ERBB4: variants seen among roughly 807,000 people sequenced by gnomAD.
ERBB4 encodes the protein receptor tyrosine-protein kinase erbB-4.
Under a neutral mutation model 158.0 loss-of-function variants are expected in ERBB4, and 42 were observed. The observed-to-expected ratio is 0.27, with a 90% CI of 0.21 to 0.34. The LOEUF is 0.34. Among genes scored for constraint, ERBB4 ranks in the 10% least tolerant of loss-of-function variants. The pLI, the probability that ERBB4 is intolerant of heterozygous loss-of-function variation, is 1.00. For missense variants in ERBB4, 1,333 were observed against 1,624.1 expected (o/e 0.82, Z 3.08); for synonymous variants, 583 against 558.7 (o/e 1.04, Z -0.61).
intron 1 of ERBB4, among the ~76,000 whole-genome samples, chr2:212,339,920 T>C (rs948308706): frequency 6.6e-5 from 10 of 152,170 alleles, no homozygotes; most frequent in African/African-American, 1.9e-4. Context: ...AGTTACGATA[T>C]ACATTTTTAA....
In ERBB4 at chr2:211,587,193, C is replaced by CAA. The variant is rs397806638; in HGVS notation, c.2302-25107_2302-25106dup. ...ATGGGTGAAACCCAATCTCTACTTA[C>CAA]AAAAAAAAAAAAAATAGCCAGGCGT... On this transcript the variant is annotated intron_variant, in intron 19 of 27. Transcript: ENST00000342788. Among the ~76,000 whole-genome samples the CAA allele has an allele frequency of 2.1e-3, 271 of 132,042 alleles. 1 individual carries two copies. Among genetic ancestry groups the CAA allele is most frequent in the African/African-American group, 7.0e-3 (259 of 36,894 alleles). The allele number at this position is 132,042 out of a possible 152,430, so 86.6% of individuals were successfully genotyped here. A position where few individuals can be genotyped will look rare whatever the true frequency, so the allele number is the denominator to read the frequency against.
chr2:212,048,447 T>C (rs1055546952), intron 2 of ERBB4, among the ~76,000 whole-genome samples: 2 of 152,140 alleles, frequency 1.3e-5, no homozygotes, highest in African/African-American at 4.8e-5. Context: ...CAAGTAAATA[T>C]ATTTGGGTTA....
chr2:211,396,835 G>T (rs2062929602), intron 25 of ERBB4, among the ~76,000 whole-genome samples: 1 of 152,096 alleles, frequency 6.6e-6, no homozygotes, highest in African/African-American at 2.4e-5. Context: ...GATAAAAAGT[G>T]AATTTGTAAC....
chr2:211,832,923 T>C (rs1370478935), intron 3 of ERBB4, among the ~76,000 whole-genome samples: 1 of 151,126 alleles, frequency 6.6e-6, no homozygotes, highest in Non-Finnish European at 1.5e-5. Flanking sequence ...TGTTGACATA[T>C]AAATTAGAAT....
intron 1 of ERBB4, among the ~76,000 whole-genome samples, chr2:212,158,686 T>C (rs2081114901): frequency 1.3e-5 from 2 of 151,992 alleles, no homozygotes; most frequent in Non-Finnish European, 2.9e-5. Flanking sequence ...AAAGAGACAA[T>C]GTGCAATTCA....
At chr2:211,778,388 G>C (rs546864500) in intron 4 of ERBB4, 2 of 152,218 alleles carry the variant, frequency 1.3e-5, no homozygotes, top group Admixed American at 1.3e-4. Flanking sequence ...GCAGAACTAG[G>C]CCAACCAGGA....
chr2:212,494,864 C>T (rs755733442), intron 1 of ERBB4, among the ~76,000 whole-genome samples: 22 of 152,058 alleles, frequency 1.4e-4, no homozygotes, highest in South Asian at 1.2e-3. Flanking sequence ...CCCTGTTAGT[C>T]ATTAATCCCT....
intron 19 of ERBB4, among the ~76,000 whole-genome samples, chr2:211,617,871 C>T (rs1296494116): frequency 2.6e-5 from 4 of 151,958 alleles, no homozygotes; most frequent in East Asian, 3.9e-4. Flanking sequence ...TTACTCAAGA[C>T]ATTATGCTAA....
intron 3 of ERBB4, among the ~76,000 whole-genome samples, chr2:211,901,383 C>T (rs1365677990): frequency 3.9e-5 from 6 of 152,170 alleles, no homozygotes; most frequent in Admixed American, 3.9e-4. Context: ...GGAAGCATGA[C>T]AGGTGCATGG....
intron 25 of ERBB4, among the ~76,000 whole-genome samples, chr2:211,409,942 C>T (rs754915179): frequency 6.6e-6 from 1 of 152,156 alleles, no homozygotes; most frequent in Non-Finnish European, 1.5e-5. Flanking sequence ...ACTTATGCAT[C>T]CACCTCGTAC....
At chr2:211,884,542 C>G (rs2078744983) in intron 3 of ERBB4, among the ~76,000 whole-genome samples, 1 of 152,154 alleles carries the variant, frequency 6.6e-6, no homozygotes, top group Admixed American at 6.5e-5. Context: ...GAGCCTTCTC[C>G]TAAAGGGCCA....
intron 1 of ERBB4, among the ~76,000 whole-genome samples, chr2:212,456,330 T>C (rs1408921239): frequency 2.0e-5 from 3 of 152,058 alleles, no homozygotes; most frequent in African/African-American, 7.2e-5. Context: ...AAAACTGTAT[T>C]TCAGTCATCA....
intron 1 of ERBB4, among the ~76,000 whole-genome samples, chr2:212,191,632 T>C (rs1007309020): frequency 7.5e-6 from 1 of 134,130 alleles, no homozygotes; most frequent in African/African-American, 2.7e-5. Context: ...ACATGTGTTA[T>C]GCATGCTATA....
intron 1 of ERBB4, among the ~76,000 whole-genome samples, chr2:212,203,289 G>A (rs1000509609): frequency 6.6e-6 from 1 of 152,074 alleles, no homozygotes; most frequent in Non-Finnish European, 1.5e-5. Flanking sequence ...TAGCTATACA[G>A]GTGTAAGAGG....
chr2:211,504,125 C>A (rs2065685020), intron 20 of ERBB4, among the ~76,000 whole-genome samples: 1 of 152,088 alleles, frequency 6.6e-6, no homozygotes, highest in Non-Finnish European at 1.5e-5. Context: ...TTCTTACCTG[C>A]AAGTGCCACC....
intron 20 of ERBB4, among the ~76,000 whole-genome samples, chr2:211,511,341 G>T (rs1174833971): frequency 6.6e-6 from 1 of 151,908 alleles, no homozygotes; most frequent in Non-Finnish European, 1.5e-5. Context: ...AAAATTTTTA[G>T]TTATTATGAT....
chr2:212,061,698 T>C (rs962381815), intron 2 of ERBB4, among the ~76,000 whole-genome samples: 1 of 151,586 alleles, frequency 6.6e-6, no homozygotes, highest in African/African-American at 2.4e-5. Flanking sequence ...CCACATCAGA[T>C]TGCAGATTGT....
chr2:212,421,334 C>T (rs2105905710), intron 1 of ERBB4, among the ~76,000 whole-genome samples: 1 of 152,144 alleles, frequency 6.6e-6, no homozygotes, highest in South Asian at 2.1e-4. Context: ...TTCTGGAAAC[C>T]CTTTTTAGGG....
chr2:212,147,102 C>G (rs542239678), intron 1 of ERBB4, among the ~76,000 whole-genome samples: 22 of 147,546 alleles, frequency 1.5e-4, no homozygotes, highest in African/African-American at 5.3e-4. Flanking sequence ...GTGATCCTCC[C>G]ACCTCAGCCT....
Sources: gnomAD v4.1 joint callset for allele counts (sites outside exome capture counted in the v4.1 genomes callset) on GRCh38, gnomAD v4.1.1 for gene constraint, MANE v1.5 for transcripts, NCBI Gene and HGNC (gene_info 2026-07-23, HGNC 2026-07-21) for gene names.